Variants in SUSD5 observed in about 807,000 individuals in gnomAD.
SUSD5 encodes the protein sushi domain containing 5, also known as sushi domain-containing protein 5.
Under a neutral mutation model 29.5 loss-of-function variants are expected in SUSD5, and 33 were observed. That is an observed-to-expected ratio of 1.12 (90% confidence interval 0.85 to 1.49). The LOEUF (loss-of-function observed/expected upper bound fraction) is 1.49. SUSD5 is among the 40% of genes most tolerant of loss of function. The pLI, the probability that SUSD5 is intolerant of heterozygous loss-of-function variation, is 0.00. For missense variants in SUSD5, 776 were observed against 800.6 expected (o/e 0.97, Z 0.37); for synonymous variants, 308 against 325.3 (o/e 0.95, Z 0.57).
At chr3:33,196,986 T>C (rs138972827) in intron 3 of SUSD5, among the ~76,000 whole-genome samples, 7 of 152,342 alleles carry the variant, frequency 4.6e-5, no homozygotes, top group Non-Finnish European at 1.0e-4. Context: ...ATTTGGATAA[T>C]AGTAAATTCC....
At chr3:33,155,343 G>T (rs919026952) in intron 4 of SUSD5, among the ~76,000 whole-genome samples, 2 of 152,226 alleles carry the variant, frequency 1.3e-5, no homozygotes, top group Non-Finnish European at 2.9e-5. Flanking sequence ...AACCTCACTA[G>T]TAAGAGAGAA....
intron 3 of SUSD5, among the ~76,000 whole-genome samples, chr3:33,203,925 T>C (rs377533252): frequency 1.3e-5 from 2 of 152,230 alleles, no homozygotes; most frequent in South Asian, 2.1e-4. Context: ...CTGTTGTTGT[T>C]TGAGAGAGAC....
At chr3:33,160,316 A>C (rs71325128) in intron 4 of SUSD5, among the ~76,000 whole-genome samples, 3 of 151,992 alleles carry the variant, frequency 2.0e-5, no homozygotes, top group Non-Finnish European at 4.4e-5. Context: ...ACAAACAAGT[A>C]AAATATCTGA....
chr3:33,153,778 C>G lies in SUSD5; in HGVS notation c.854G>C (p.Gly285Ala). 1 of 1,614,040 alleles carries G rather than the reference C, an allele frequency of 6.2e-7. No homozygotes were observed. The highest frequency in any genetic ancestry group is 1.3e-5 in the African/African-American group (1 of 75,060). ...AGSSVPADSP[G>A]SRLLQKHLFW... ...CAAGTGCTTCTGGAGCAGCCGTGAT[C>G]CTGGTGAATCTGCGGGGACACTGCT... The change falls in exon 5 of 5, where the codon GGA becomes GCA. Residue 285 changes from glycine (G) to alanine (A), a missense_variant. Coordinates refer to ENST00000309558, the MANE Select transcript of SUSD5 (RefSeq NM_015551.2).
chr3:33,204,310 TTTTGTTTG>T lies in SUSD5; in HGVS notation c.409+3490_409+3497del, dbSNP rs375549892. ...AAGCCACCATGCCCAGCCTGAGCTTTTTTGTTTGTTTGTTTGTTTGTTTGTTTTTTGAG... is the reference window on the plus strand; with the variant it reads ...AAGCCACCATGCCCAGCCTGAGCTTTTTTGTTTGTTTGTTTGTTTTTTGAG... On this transcript the variant is annotated intron_variant, in intron 3 of 4. Transcript: ENST00000309558. The surrounding 1 kb of genome is among the most constrained non-coding windows in gnomAD (Gnocchi z 4.5). Among the ~76,000 whole-genome samples the T allele has an allele frequency of 7.9e-5, 12 of 151,744 alleles. No homozygotes were observed. The highest frequency in any genetic ancestry group is 2.1e-4 in the South Asian group (1 of 4,806).
At position 33,218,581 on chromosome 3, in the gene SUSD5, T is replaced by G. The variant is rs990425527; in HGVS notation, c.112+105A>C. ...TCGTTCGTTCCTCTCAGGCTTGCGC[T>G]TGCCGCTTGCCGGGCCGGTCAGAGG... On this transcript the variant is annotated intron_variant, in intron 1 of 4. Coordinates refer to ENST00000309558, the MANE Select transcript of SUSD5 (RefSeq NM_015551.2). 7 of 1,048,828 alleles carry G rather than the reference T, an allele frequency of 6.7e-6. No homozygotes were observed. In the African/African-American group the frequency reaches 1.2e-4, roughly 17 times the overall value. The allele number at this position is 1,048,828 out of a possible 1,614,324, so 65.0% of individuals were successfully genotyped here.
In SUSD5 at chr3:33,153,400, T is replaced by C; in HGVS notation, c.1232A>G (p.Gln411Arg). 3.1e-6 allele frequency: 5 copies of C among 1,613,918 alleles called. No homozygotes were observed. Among genetic ancestry groups the C allele is most frequent in the Non-Finnish European group, 4.2e-6 (5 of 1,179,876 alleles). The change falls in exon 5 of 5, where the codon CAG (glutamine) becomes CGG (arginine). Residue 411 changes from glutamine (Q) to arginine (R), a missense_variant. By Grantham distance (43) the Gln-to-Arg change is conservative. Transcript: ENST00000309558. The part of the protein sequence containing the change: ...LDENVLVTPD[Q>R]PILVEVKKPK... ...CTTCTTAACTTCCACAAGAATGGGC[T>C]GATCAGGAGTAACTAGGACGTTTTC...
At chr3:33,210,688 G>C (rs906738616) in intron 2 of SUSD5, among the ~76,000 whole-genome samples, 1 of 152,056 alleles carries the variant, frequency 6.6e-6, no homozygotes, top group Admixed American at 6.6e-5. Context: ...GGGCAGGAAA[G>C]GCCCACAGTG....
Position 33,213,996 on chromosome 3 carries a change from C to T in SUSD5, c.222G>A (p.Leu74=). ...AGGAGCAATCCTGTACCACTCTCCG[C>T]AGCTCGTCTGCAGATGCCAGGTGAG... The part of the protein sequence containing the change: ...RGAHLASADE[L]RRVVQDCSFA... The change falls in exon 2 of 5, where the codon CTG becomes CTA. Residue 74 remains leucine (L), a synonymous_variant. Transcript: ENST00000309558. 1 of 1,613,854 alleles carries T rather than the reference C, an allele frequency of 6.2e-7. No homozygotes were observed. The highest frequency in any genetic ancestry group is 8.5e-7 in the Non-Finnish European group (1 of 1,179,824).
intron 3 of SUSD5, among the ~76,000 whole-genome samples, chr3:33,188,893 T>C (rs1235141859): frequency 3.9e-5 from 6 of 152,198 alleles, no homozygotes; most frequent in African/African-American, 1.4e-4. Context: ...ATGAACTAAG[T>C]TAATTTAAAA....
At chr3:33,218,169 CCTTTG>C (rs2032457980) in intron 1 of SUSD5, among the ~76,000 whole-genome samples, 1 of 152,156 alleles carries the variant, frequency 6.6e-6, no homozygotes, top group Non-Finnish European at 1.5e-5. Flanking sequence ...TCAGAGACAG[CCTTTG>C]CACGTGCTTT....
intron 1 of SUSD5, among the ~76,000 whole-genome samples, chr3:33,214,927 T>C (rs905647174): frequency 1.3e-5 from 2 of 152,084 alleles, no homozygotes; most frequent in Non-Finnish European, 2.9e-5. Context: ...TGAGACACTT[T>C]ACTTCCATCT....
intron 4 of SUSD5, among the ~76,000 whole-genome samples, chr3:33,170,629 T>C (rs537517763): frequency 2.0e-5 from 3 of 152,312 alleles, no homozygotes; most frequent in African/African-American, 7.2e-5. Flanking sequence ...CAGGTATGCG[T>C]GCCACACACT....
At position 33,213,975 on chromosome 3, in the gene SUSD5, G is replaced by T. The variant is rs550196822; in HGVS notation, c.243C>A (p.Cys81Ter). 3 of 1,612,918 alleles carry T rather than the reference G, an allele frequency of 1.9e-6. No homozygotes were observed. In the African/African-American group the frequency reaches 4.0e-5, roughly 22 times the overall value. ...AGCCAGTGGTGCACACCGCAAAGGAGCAATCCTGTACCACTCTCCGCAGCT... is the reference window on the plus strand; with the variant it reads ...AGCCAGTGGTGCACACCGCAAAGGATCAATCCTGTACCACTCTCCGCAGCT... ...ADELRRVVQD[C>*]SFAVCTTGWL... is the part of the protein sequence containing the mutation. Residue 81 changes from cysteine (C) to a stop codon, truncating the protein, a stop_gained, in exon 2 of 5, where the codon TGC becomes TGA. Coordinates refer to ENST00000309558, the MANE Select transcript of SUSD5 (RefSeq NM_015551.2). LOFTEE classifies it high-confidence loss of function.
chr3:33,208,821 C>G (rs955639968), intron 2 of SUSD5, among the ~76,000 whole-genome samples: 3 of 152,202 alleles, frequency 2.0e-5, no homozygotes, highest in Non-Finnish European at 4.4e-5. Context: ...ACTTAAAATA[C>G]TTCCCACTTA....
intron 3 of SUSD5, among the ~76,000 whole-genome samples, chr3:33,196,371 T>C (rs1275900380): frequency 6.6e-6 from 1 of 152,184 alleles, no homozygotes; most frequent in African/African-American, 2.4e-5. Flanking sequence ...CACAGAGGAT[T>C]ACTGATGGAT....
intron 3 of SUSD5, among the ~76,000 whole-genome samples, chr3:33,187,867 T>C (rs982805451): frequency 2.8e-5 from 4 of 143,558 alleles, no homozygotes; most frequent in African/African-American, 1.0e-4. Context: ...TGTGTTCTCA[T>C]TGTTCAATTC....
In SUSD5 at chr3:33,167,185, A is replaced by T. The variant is rs558907775; in HGVS notation, c.598+7701T>A. 2.9e-4 allele frequency among the ~76,000 whole-genome samples: 44 copies of T among 150,384 alleles called. 1 individual carries two copies. In the South Asian group the frequency reaches 4.6e-3, roughly 16 times the overall value. On this transcript the variant is annotated intron_variant, in intron 4 of 4. Coordinates refer to ENST00000309558, the MANE Select transcript of SUSD5 (RefSeq NM_015551.2). This position sits in a 1 kb window ranked among gnomAD's most constrained non-coding sequence, Gnocchi z 4.1. ...CAAGAGCGAGACTCCATCTCAAAAA[A>T]ATATATATATATATAAATATATATA...
intron 3 of SUSD5, among the ~76,000 whole-genome samples, chr3:33,190,080 T>A (rs2031861190): frequency 6.6e-6 from 1 of 152,210 alleles, no homozygotes; most frequent in Non-Finnish European, 1.5e-5. Flanking sequence ...CACAAGCCAG[T>A]CAGTCTTAGT....
Sources: allele counts gnomAD v4.1 joint callset (sites outside exome capture counted in the v4.1 genomes callset), GRCh38; gene constraint gnomAD v4.1.1; non-coding constraint Gnocchi (gnomAD v3.1); transcripts MANE v1.5; gene names NCBI Gene and HGNC (gene_info 2026-07-23, HGNC 2026-07-21).